The following ZNF385B variants were observed in gnomAD, a reference collection of about 807,000 sequenced individuals.
ZNF385B encodes the protein zinc finger protein 385B, also known as zinc finger protein 533.
ZNF385B carries 23 observed loss-of-function variants against 39.2 expected under a neutral mutation model. The observed-to-expected ratio is 0.59, with a 90% CI of 0.42 to 0.83. ZNF385B has a LOEUF of 0.83. ZNF385B is among the 40% of genes least tolerant of loss of function. The pLI, the probability that ZNF385B is intolerant of heterozygous loss-of-function variation, is 0.00. For missense variants in ZNF385B, 552 were observed against 598.9 expected, an observed-to-expected ratio of 0.92 and a Z score of 0.82; for synonymous variants, 205 against 222.6, an observed-to-expected ratio of 0.92 and a Z score of 0.70.
At chr2:179,651,413 A>G (rs369253520) in intron 3 of ZNF385B, among the ~76,000 whole-genome samples, 3 of 152,150 alleles carry the variant, frequency 2.0e-5, no homozygotes, top group East Asian at 3.8e-4. Flanking sequence ...TATTTGTTTC[A>G]CTTTTTTAGA....
At chr2:179,771,104 G>A (rs1703983243) in intron 1 of ZNF385B, among the ~76,000 whole-genome samples, 1 of 152,138 alleles carries the variant, frequency 6.6e-6, no homozygotes, top group African/African-American at 2.4e-5. Flanking sequence ...TGTGCCATAA[G>A]AGATGAGGGG....
chr2:179,769,669 C>A lies in ZNF385B; in HGVS notation c.132G>T (p.Lys44Asn), dbSNP rs779702281. 3 of 1,614,052 alleles carry A rather than the reference C, an allele frequency of 1.9e-6. No individual in the cohort carries two copies. Among genetic ancestry groups the A allele is most frequent in the Non-Finnish European group, 2.5e-6 (3 of 1,180,032 alleles). The change falls in exon 3 of 10, where the codon AAG (lysine) becomes AAT (asparagine). Residue 44 changes from lysine to asparagine, a missense_variant. Physicochemically the swap from Lys to Asn is moderately conservative, Grantham distance 94. Transcript: ENST00000410066. Reference protein sequence around the residue: ...RPEDQLSKEKKKILFSFCEVC... With the variant: ...RPEDQLSKEKNKILFSFCEVC... ...CCTCACAGAAGGAGAAAAGAATTTT[C>A]TTTTTCTCTTTGCTCAACTGGTCCT...
intron 3 of ZNF385B, among the ~76,000 whole-genome samples, chr2:179,567,883 C>T (rs546201198): frequency 1.6e-4 from 24 of 152,210 alleles, no homozygotes; most frequent in Non-Finnish European, 3.4e-4. Flanking sequence ...TTTGTCTGGA[C>T]TACAGCTAAT....
chr2:179,488,054 A>G (rs1470253522), intron 5 of ZNF385B, among the ~76,000 whole-genome samples: 1 of 152,266 alleles, frequency 6.6e-6, no homozygotes, highest in Non-Finnish European at 1.5e-5. Flanking sequence ...AAAGAATGAG[A>G]TAACTTAGTG....
chr2:179,858,812 T>C (rs1031687010), intron 1 of ZNF385B, among the ~76,000 whole-genome samples: 2 of 152,226 alleles, frequency 1.3e-5, no homozygotes, highest in African/African-American at 4.8e-5. Context: ...CCTTTATTTA[T>C]GTGAACAAAG....
intron 1 of ZNF385B, among the ~76,000 whole-genome samples, chr2:179,843,104 T>C (rs1245462111): frequency 1.3e-5 from 2 of 152,206 alleles, no homozygotes; most frequent in Non-Finnish European, 2.9e-5. Flanking sequence ...CATTCTTTCA[T>C]ACCTTCCTGT....
chr2:179,600,535 C>T (rs893054886), intron 3 of ZNF385B, among the ~76,000 whole-genome samples: 5 of 152,164 alleles, frequency 3.3e-5, no homozygotes, highest in Admixed American at 2.0e-4. Context: ...AAATATTTCT[C>T]TGAATATGTA....
chr2:179,696,866 G>A (rs1347559667), intron 3 of ZNF385B, among the ~76,000 whole-genome samples: 2 of 152,080 alleles, frequency 1.3e-5, no homozygotes, highest in African/African-American at 4.8e-5. Flanking sequence ...TCAATGCTGG[G>A]ACCATCTACC....
chr2:179,726,406 G>A (rs1316871029), intron 3 of ZNF385B, among the ~76,000 whole-genome samples: 1 of 151,938 alleles, frequency 6.6e-6, no homozygotes, highest in East Asian at 1.9e-4. Context: ...GGAATCACAT[G>A]TCCTCACTCT....
intron 1 of ZNF385B, among the ~76,000 whole-genome samples, chr2:179,857,640 C>G (rs1233381937): frequency 1.3e-5 from 2 of 152,220 alleles, no homozygotes; most frequent in Middle Eastern, 3.4e-3. Context: ...GACTCTATGA[C>G]GATGCCTCAG....
At chr2:179,633,398 C>CCTTTCATTGATATGCAAATTG (rs1355579906) in intron 3 of ZNF385B, among the ~76,000 whole-genome samples, 17 of 152,154 alleles carry the variant, frequency 1.1e-4, no homozygotes, top group Non-Finnish European at 1.9e-4. Flanking sequence ...GCTGGTTCAA[C>CCTTTCATTGATATGCAAATTG]ATATGCAAAT....
chr2:179,610,716 G>T (rs1164330156), intron 3 of ZNF385B, among the ~76,000 whole-genome samples: 1 of 151,966 alleles, frequency 6.6e-6, no homozygotes, highest in East Asian at 1.9e-4. Context: ...GTGTGTATTT[G>T]TGTGTCTACT....
chr2:179,608,417 G>T (rs1483521407), intron 3 of ZNF385B, among the ~76,000 whole-genome samples: 3 of 152,304 alleles, frequency 2.0e-5, no homozygotes, highest in East Asian at 3.9e-4. Flanking sequence ...AGAAGGAGAA[G>T]TTTCACATGC....
intron 3 of ZNF385B, among the ~76,000 whole-genome samples, chr2:179,575,773 G>A (rs897497836): frequency 6.7e-6 from 1 of 149,658 alleles, no homozygotes; most frequent in Non-Finnish European, 1.5e-5. Context: ...AAGTGTTTTG[G>A]TATTCTTAAA....
chr2:179,478,167 T>G (rs2105564814), intron 6 of ZNF385B, among the ~76,000 whole-genome samples: 1 of 152,296 alleles, frequency 6.6e-6, no homozygotes, highest in South Asian at 2.1e-4. Flanking sequence ...ATAACCCAGG[T>G]TCTTCATTGT....
intron 1 of ZNF385B, among the ~76,000 whole-genome samples, chr2:179,775,590 G>C (rs1704266070): frequency 1.3e-5 from 2 of 152,148 alleles, no homozygotes; most frequent in African/African-American, 4.8e-5. Flanking sequence ...TGAATCCCAA[G>C]AGATTGGGAT....
chr2:179,837,255 A>G (rs982241083), intron 1 of ZNF385B, among the ~76,000 whole-genome samples: 1 of 152,214 alleles, frequency 6.6e-6, no homozygotes, highest in African/African-American at 2.4e-5. Flanking sequence ...GTGGAATATA[A>G]TATTTCTATG....
At chr2:179,493,529 A>G (rs578135818) in intron 5 of ZNF385B, among the ~76,000 whole-genome samples, 10 of 151,414 alleles carry the variant, frequency 6.6e-5, no homozygotes, top group Non-Finnish European at 1.2e-4. Context: ...ATGTGTGTAC[A>G]TATATGCGTA....
At chr2:179,622,943 GA>G (rs1690339874) in intron 3 of ZNF385B, among the ~76,000 whole-genome samples, 1 of 152,158 alleles carries the variant, frequency 6.6e-6, no homozygotes, top group Admixed American at 6.5e-5. Context: ...AAAGCCTTCA[GA>G]GGGCACACAC....
Sources: gnomAD v4.1 joint callset for allele counts (sites outside exome capture counted in the v4.1 genomes callset) on GRCh38, gnomAD v4.1.1 for gene constraint, MANE v1.5 for transcripts, NCBI Gene and HGNC (gene_info 2026-07-23, HGNC 2026-07-21) for gene names.